Variants in ROBO2 observed in about 807,000 individuals in gnomAD.
ROBO2 encodes the protein roundabout guidance receptor 2.
A neutral mutation model predicts 160.8 loss-of-function variants in ROBO2; 53 were observed. The ratio of observed to expected loss-of-function variants is 0.33; its 90% CI spans 0.26 to 0.41. The LOEUF is 0.41. Ranked by LOEUF, ROBO2 falls within the 10% of genes least tolerant of loss-of-function variation. ROBO2 has a pLI of 1.00. For missense variants in ROBO2, 1,577 were observed against 1,722.4 expected (o/e 0.92, Z 1.49); for synonymous variants, 664 against 611.7 (o/e 1.09, Z -1.26).
At chr3:76,470,654 A>G (rs932987854) in intron 2 of ROBO2, among the ~76,000 whole-genome samples, 7 of 152,164 alleles carry the variant, frequency 4.6e-5, no homozygotes, top group African/African-American at 1.4e-4. Context: ...AAAGGAACAT[A>G]TTATAACTTT....
intron 2 of ROBO2, among the ~76,000 whole-genome samples, chr3:76,415,677 A>G (rs947531654): frequency 2.0e-5 from 3 of 152,126 alleles, no homozygotes; most frequent in Non-Finnish European, 4.4e-5. Flanking sequence ...TGAAAAATGG[A>G]CTACATTTCT....
At chr3:77,607,683 A>C (rs2094551369) in intron 20 of ROBO2, 115 bp from the exon 22 acceptor site, 1 of 910,792 alleles carries the variant, frequency 1.1e-6, no homozygotes, top group South Asian at 1.4e-5. Flanking sequence ...TATAGCTTTT[A>C]ACAACTCCAA....
chr3:76,882,969 G>T (rs149704284), intron 2 of ROBO2, among the ~76,000 whole-genome samples: 2 of 152,062 alleles, frequency 1.3e-5, no homozygotes, highest in East Asian at 3.9e-4. Flanking sequence ...GTATGTTAGC[G>T]TTACTTGTAT....
At chr3:76,650,712 C>T (rs1288565646) in intron 2 of ROBO2, among the ~76,000 whole-genome samples, 2 of 152,048 alleles carry the variant, frequency 1.3e-5, no homozygotes, top group Non-Finnish European at 1.5e-5. Flanking sequence ...GTGGTGGCTT[C>T]AAACTGTGTC....
intron 23 of ROBO2, among the ~76,000 whole-genome samples, chr3:77,625,978 T>C (rs183384166): frequency 1.3e-5 from 2 of 152,278 alleles, no homozygotes; most frequent in Admixed American, 1.3e-4. Flanking sequence ...TTAAAGCCTT[T>C]GTCCAGGTTA....
rs530590909 is a variant in ROBO2, at chr3:76,731,483, G to GT, written c.110-366521dup. On this transcript the variant is annotated intron_variant, in intron 2 of 26. Coordinates refer to the ROBO2 transcript ENST00000487694. ...AATTCTCAATTCTAGGACACAAAATGTTTTTTTTTTCAAGTTCTTTCTCAA... is the reference window on the plus strand; with the variant it reads ...AATTCTCAATTCTAGGACACAAAATGTTTTTTTTTTTCAAGTTCTTTCTCAA... Among the ~76,000 whole-genome samples, 821 of 146,914 alleles carry GT rather than the reference G, an allele frequency of 5.6e-3. 4 individuals are homozygous for GT. Among genetic ancestry groups the GT allele is most frequent in the South Asian group, 0.018 (83 of 4,564 alleles).
At chr3:76,597,772 C>T (rs9882012) in intron 2 of ROBO2, among the ~76,000 whole-genome samples, 71,923 of 151,734 alleles carry the variant, frequency 0.47, 17,548 homozygotes, top group Middle Eastern at 0.66. Flanking sequence ...TTAGCTCCCA[C>T]TTATAAGTGA....
chr3:77,477,728 G>A (rs1429563794), intron 3 of ROBO2, among the ~76,000 whole-genome samples, 157 bp downstream of exon 3: 1 of 150,948 alleles, frequency 6.6e-6, no homozygotes, highest in Non-Finnish European at 1.5e-5. Flanking sequence ...ATTTGGATGA[G>A]ACTACAAGAG....
intron 2 of ROBO2, among the ~76,000 whole-genome samples, chr3:77,329,076 A>G (rs771578569): frequency 5.3e-5 from 8 of 152,172 alleles, no homozygotes; most frequent in African/African-American, 7.2e-5. Flanking sequence ...TAAAACCCAC[A>G]TGCTAATTCC....
At chr3:77,113,057 T>A (rs546960058) in intron 2 of ROBO2, among the ~76,000 whole-genome samples, 42 of 152,320 alleles carry the variant, frequency 2.8e-4, no homozygotes, top group African/African-American at 9.9e-4. Flanking sequence ...GCATTATCAC[T>A]GTTTTGAAAA....
chr3:77,468,011 C>G (rs1195121520), intron 2 of ROBO2, among the ~76,000 whole-genome samples: 1 of 152,180 alleles, frequency 6.6e-6, no homozygotes, highest in Admixed American at 6.5e-5. Flanking sequence ...AAACCATCCT[C>G]CTCACATGCT....
intron 2 of ROBO2, among the ~76,000 whole-genome samples, chr3:76,881,960 G>A (rs190796162): frequency 2.0e-5 from 3 of 151,996 alleles, no homozygotes. Context: ...ATGTGTGTCT[G>A]TTGGGTGGTA....
intron 2 of ROBO2, among the ~76,000 whole-genome samples, chr3:75,957,469 C>T (rs1196408475): frequency 6.7e-6 from 1 of 150,076 alleles, no homozygotes; most frequent in Admixed American, 6.7e-5. Flanking sequence ...TTATGCTAAG[C>T]TTTCTACATA....
chr3:77,588,796 C>G (rs1315335837), exon 17 of ROBO2: 1 of 1,613,426 alleles, frequency 6.2e-7, no homozygotes, highest in East Asian at 2.2e-5. Flanking sequence ...AACAGCATAA[C>G]TGAGCAAATC....
rs530396142 is a variant in ROBO2 at position 76,885,352 on chromosome 3, C to T, written c.110-212662C>T. Among the ~76,000 whole-genome samples, 118 of 151,892 alleles carry T rather than the reference C, an allele frequency of 7.8e-4. No homozygotes were observed. The South Asian group carries it at 0.012, about 16-fold the overall frequency. ...CTTTGAATATGTGTGCAATTTTCTC[C>T]GATGCAAAATGCAAAAGCCACTTCA... On this transcript the variant is annotated intron_variant, in intron 2 of 26. Coordinates refer to the ROBO2 transcript ENST00000487694.
chr3:76,350,741 C>T (rs2074821687), intron 2 of ROBO2, among the ~76,000 whole-genome samples: 1 of 151,856 alleles, frequency 6.6e-6, no homozygotes, highest in African/African-American at 2.4e-5. Context: ...TTACTGTCTA[C>T]AGCCAAAGAG....
At chr3:76,737,329 G>A (rs1203820026) in intron 2 of ROBO2, among the ~76,000 whole-genome samples, 6 of 150,378 alleles carry the variant, frequency 4.0e-5, no homozygotes, top group African/African-American at 1.2e-4. Flanking sequence ...TTTTTTTCTG[G>A]TATTTTCTGT....
intron 2 of ROBO2, among the ~76,000 whole-genome samples, chr3:76,198,673 A>G (rs540657536): frequency 6.6e-6 from 1 of 152,238 alleles, no homozygotes; most frequent in African/African-American, 2.4e-5. Flanking sequence ...ATTGCCTCTG[A>G]AGGTGGCCAT....
intron 2 of ROBO2, among the ~76,000 whole-genome samples, chr3:77,304,513 G>T (rs1219465149): frequency 6.6e-6 from 1 of 152,130 alleles, no homozygotes; most frequent in Non-Finnish European, 1.5e-5. Context: ...ATATATTACT[G>T]CAGAGGCTTT....
Sources: allele counts gnomAD v4.1 joint callset (sites outside exome capture counted in the v4.1 genomes callset), GRCh38; gene constraint gnomAD v4.1.1; transcripts MANE v1.5; gene names NCBI Gene and HGNC (gene_info 2026-07-23, HGNC 2026-07-21).